STRN3: variants seen among roughly 807,000 people sequenced by gnomAD.
The protein encoded by STRN3 is striatin 3.
Under a neutral mutation model 95.6 loss-of-function variants are expected in STRN3, and 29 were observed. The observed-to-expected ratio is 0.30, with a 90% CI of 0.23 to 0.41. The LOEUF is 0.41. STRN3 is among the 10% of genes least tolerant of loss of function. The probability of loss-of-function intolerance (pLI) is 1.00; values close to 1 mark genes in which losing one functional copy is unlikely to be tolerated. For synonymous variants in STRN3, 331 were observed against 357.6 expected (o/e 0.93, Z 0.84); for missense variants, 890 against 972.1 (o/e 0.92, Z 1.12).
chr14:31,017,904 C>T (rs544731621), intron 1 of STRN3, among the ~76,000 whole-genome samples: 6 of 151,796 alleles, frequency 4.0e-5, no homozygotes, highest in South Asian at 4.2e-4. Flanking sequence ...GGTGAAACCC[C>T]GTATCTACTA....
intron 16 of STRN3, among the ~76,000 whole-genome samples, chr14:30,899,397 C>T (rs1031779617): frequency 6.6e-6 from 1 of 152,176 alleles, no homozygotes; most frequent in African/African-American, 2.4e-5. Context: ...AGTCAAGAAT[C>T]TATCATATAG....
In STRN3 at chr14:30,902,536, C is replaced by A; in HGVS notation, c.2137G>T (p.Gly713Cys). 1.9e-6 allele frequency: 3 copies of A among 1,573,712 alleles called. No individual in the cohort carries two copies. The highest frequency in any genetic ancestry group is 1.2e-5 in the South Asian group (1 of 84,710). ...TATGAAAAGAAGACAATTTGCTTAC[C>A]CGTTTTATTGTCAAAAAATTTGATG... ...RHIKFFDNKT[G>C]KMIHSMVAHL... The change falls in exon 16 of 18, where the codon GGT becomes TGT. Residue 713 changes from glycine (G) to cysteine (C), a missense_variant and splice_region_variant. Gly to Cys is a radical substitution (Grantham distance 159, BLOSUM62 -3). This residue lies in a region of STRN3 where 357 missense variants were observed against 422.8 expected (regional missense o/e 0.84). Coordinates refer to ENST00000357479, the MANE Select transcript of STRN3 (RefSeq NM_001083893.2).
intron 1 of STRN3, among the ~76,000 whole-genome samples, chr14:30,973,397 A>G (rs1880934791): frequency 6.6e-6 from 1 of 151,946 alleles, no homozygotes; most frequent in African/African-American, 2.4e-5. Flanking sequence ...AGAGAGAGAA[A>G]GAGAGAAGGG....
chr14:30,940,931 C>T (rs1418054519), intron 5 of STRN3, among the ~76,000 whole-genome samples: 1 of 152,008 alleles, frequency 6.6e-6, no homozygotes, highest in Non-Finnish European at 1.5e-5. Context: ...ACCTAATCCC[C>T]AATATGATGG....
intron 5 of STRN3, among the ~76,000 whole-genome samples, chr14:30,943,658 T>C (rs1879199382): frequency 6.6e-6 from 1 of 151,978 alleles, no homozygotes; most frequent in Non-Finnish European, 1.5e-5. Flanking sequence ...GGTAAAGAAA[T>C]AAAGAAAATG....
intron 16 of STRN3, among the ~76,000 whole-genome samples, chr14:30,898,256 C>A (rs150004652): frequency 1.1e-4 from 17 of 152,324 alleles, no homozygotes; most frequent in Non-Finnish European, 2.4e-4. Context: ...GGTTTACAGG[C>A]ATGACCCATC....
chr14:30,977,261 T>C (rs938203948), intron 1 of STRN3, among the ~76,000 whole-genome samples: 5 of 151,904 alleles, frequency 3.3e-5, no homozygotes, highest in African/African-American at 1.2e-4. Context: ...AGAGAAAGAT[T>C]TGAAACCAAC....
intron 5 of STRN3, among the ~76,000 whole-genome samples, chr14:30,945,182 G>A (rs779005649): frequency 4.6e-5 from 7 of 152,120 alleles, no homozygotes; most frequent in Non-Finnish European, 1.0e-4. Context: ...ATGAGGATGT[G>A]GAGAAATCAG....
At chr14:30,967,917 G>A (rs1880614136) in intron 1 of STRN3, among the ~76,000 whole-genome samples, 1 of 152,148 alleles carries the variant, frequency 6.6e-6, no homozygotes, top group Non-Finnish European at 1.5e-5. Context: ...CCTCCCGGGT[G>A]ACTGGGGTGG....
At chr14:30,916,283 G>GTTT (rs34133957) in intron 9 of STRN3, among the ~76,000 whole-genome samples, 22 of 142,336 alleles carry the variant, frequency 1.5e-4, no homozygotes, top group Non-Finnish European at 2.6e-4. Context: ...AGTTTTTTTG[G>GTTT]TTTTTTTTTT....
At chr14:31,017,442 T>TGA (rs1194360601) in intron 1 of STRN3, among the ~76,000 whole-genome samples, 1 of 149,808 alleles carries the variant, frequency 6.7e-6, no homozygotes, top group Non-Finnish European at 1.5e-5. Context: ...GAGCTTGCAG[T>TGA]GAGCCGAGAT....
intron 1 of STRN3, among the ~76,000 whole-genome samples, chr14:31,009,013 TG>T (rs1461619190): frequency 2.6e-5 from 4 of 151,772 alleles, no homozygotes; most frequent in Non-Finnish European, 4.4e-5. Flanking sequence ...CACTCCAGCC[TG>T]GGAAACAGAA....
intron 1 of STRN3, among the ~76,000 whole-genome samples, chr14:30,995,393 G>C (rs1342968972): frequency 6.6e-6 from 1 of 151,892 alleles, no homozygotes; most frequent in African/African-American, 2.4e-5. Flanking sequence ...TGGGAGTTTA[G>C]AGACTTACAT....
intron 1 of STRN3, among the ~76,000 whole-genome samples, chr14:30,982,098 C>CAAAAAA (rs11451891): frequency 1.5e-3 from 114 of 74,988 alleles, no homozygotes; most frequent in Non-Finnish European, 1.7e-3. Context: ...CTCTGTCTCA[C>CAAAAAA]AAAAAAAAAA....
chr14:30,905,367 A>G (rs376576005), intron 15 of STRN3, 51 bp downstream of exon 15: 3 of 1,500,800 alleles, frequency 2.0e-6, no homozygotes, highest in East Asian at 2.5e-5. Flanking sequence ...ATCACCCTCT[A>G]TTGTGTAATA....
At chr14:30,991,903 T>G (rs149638204) in intron 1 of STRN3, among the ~76,000 whole-genome samples, 1 of 146,496 alleles carries the variant, frequency 6.8e-6, no homozygotes, top group Non-Finnish European at 1.5e-5. Context: ...CTAGTCAACA[T>G]AGCAAGACCC....
At position 30,902,522 on chromosome 14, in the gene STRN3, G is replaced by A. The variant is rs1276686734; in HGVS notation, c.2137+14C>T. 6.6e-7 allele frequency: 1 copy of A among 1,514,242 alleles called. No individual in the cohort carries two copies. Among genetic ancestry groups the A allele is most frequent in the Non-Finnish European group, 9.1e-7 (1 of 1,104,776 alleles). The allele number at this position is 1,514,242 out of a possible 1,614,324, so 93.8% of individuals were successfully genotyped here. A position where few individuals can be genotyped will look rare whatever the true frequency, so the allele number is the denominator to read the frequency against. ...TACAGTATTACTAATATGAAAAGAAGACAATTTGCTTACCCGTTTTATTGT... is the reference window on the plus strand; with the variant it reads ...TACAGTATTACTAATATGAAAAGAAAACAATTTGCTTACCCGTTTTATTGT... On this transcript the variant is annotated intron_variant, in intron 16 of 17. Transcript: ENST00000357479.
At chr14:31,010,711 G>A (rs1189287154) in intron 1 of STRN3, among the ~76,000 whole-genome samples, 2 of 151,954 alleles carry the variant, frequency 1.3e-5, no homozygotes, top group East Asian at 1.9e-4. Flanking sequence ...AGTAGCCCCC[G>A]CCCCACAGTG....
chr14:30,907,111 G>C (rs1896483232), intron 13 of STRN3, 67 bp from the exon 14 acceptor site: 1 of 1,552,600 alleles, frequency 6.4e-7, no homozygotes, highest in East Asian at 2.3e-5. Context: ...GATACATAAA[G>C]AAAACTTACC....
Sources: gnomAD v4.1 joint callset for allele counts (sites outside exome capture counted in the v4.1 genomes callset) on GRCh38, gnomAD v4.1.1 for gene constraint, gnomAD v4.1.1 regional missense constraint, MANE v1.5 for transcripts, NCBI Gene and HGNC (gene_info 2026-07-23, HGNC 2026-07-21) for gene names.